ARB2A: variants seen among roughly 807,000 people sequenced by gnomAD.
ARB2A encodes cotranscriptional regulator ARB2A.
chr5:93,729,837 T>C, the ARB2A span, among the ~76,000 whole-genome samples: 1 of 152,148 alleles, frequency 6.6e-6, no homozygotes, highest in Non-Finnish European at 1.5e-5. Context: ...ACTGAATACA[T>C]GGAATCGTTG....
the ARB2A span, among the ~76,000 whole-genome samples, chr5:93,806,477 T>C: frequency 2.0e-5 from 3 of 151,942 alleles, no homozygotes; most frequent in Admixed American, 2.0e-4. Flanking sequence ...ACATGAATAG[T>C]AACTCTATTT....
the ARB2A span, among the ~76,000 whole-genome samples, chr5:94,069,039 AAGAT>A: frequency 0.03 from 4,170 of 140,358 alleles, 67 homozygotes; most frequent in East Asian, 0.053. Context: ...CTGTCTTAAA[AAGAT>A]AGATAGATAG....
chr5:93,852,346 G>A, the ARB2A span, among the ~76,000 whole-genome samples: 1 of 152,008 alleles, frequency 6.6e-6, no homozygotes, highest in Non-Finnish European at 1.5e-5. Flanking sequence ...TATAGATTCT[G>A]GATATTAGCC....
At chr5:93,961,672 GA>G in the ARB2A span, among the ~76,000 whole-genome samples, 1 of 151,780 alleles carries the variant, frequency 6.6e-6, no homozygotes, top group Non-Finnish European at 1.5e-5. Flanking sequence ...AACAGAGTGA[GA>G]CTCTGTCTCA....
the ARB2A span, among the ~76,000 whole-genome samples, chr5:94,053,833 C>A: frequency 6.6e-6 from 1 of 152,188 alleles, no homozygotes; most frequent in Non-Finnish European, 1.5e-5. Context: ...GTGGCACAAT[C>A]TTGGCTCACT....
chr5:93,678,421 G>A, the ARB2A span, among the ~76,000 whole-genome samples: 1 of 152,082 alleles, frequency 6.6e-6, no homozygotes. Context: ...TAATCAAGGT[G>A]GGCAGAAGAA....
At chr5:93,774,850 T>C in the ARB2A span, among the ~76,000 whole-genome samples, 1 of 152,226 alleles carries the variant, frequency 6.6e-6, no homozygotes, top group Non-Finnish European at 1.5e-5. Flanking sequence ...AGTTTACATA[T>C]TGATTGGCTG....
the ARB2A span, chr5:93,865,682 C>A: frequency 1.0e-6 from 1 of 985,284 alleles, no homozygotes. Flanking sequence ...AAAGATCTAC[C>A]TCTTCTTAAT....
the ARB2A span, among the ~76,000 whole-genome samples, chr5:93,840,571 C>G: frequency 5.7e-4 from 87 of 152,224 alleles, no homozygotes; most frequent in South Asian, 2.1e-4. Context: ...CCATATGTAT[C>G]CAATTTAACT....
chr5:93,916,318 A>C, the ARB2A span, among the ~76,000 whole-genome samples: 1 of 152,132 alleles, frequency 6.6e-6, no homozygotes, highest in South Asian at 2.1e-4. Flanking sequence ...TTACTATTTA[A>C]ATGCATTTTG....
chr5:93,868,801 T>G, the ARB2A span, among the ~76,000 whole-genome samples: 1 of 152,194 alleles, frequency 6.6e-6, no homozygotes, highest in African/African-American at 2.4e-5. Flanking sequence ...ACAATAGTCT[T>G]AGAATAAACT....
chr5:93,740,698 G>A, the ARB2A span: 1 of 1,613,750 alleles, frequency 6.2e-7, no homozygotes, highest in Admixed American at 1.7e-5. Flanking sequence ...AAAGCACACT[G>A]GTGCTCCTGG....
At chr5:93,669,010 T>C in the ARB2A span, among the ~76,000 whole-genome samples, 2 of 152,254 alleles carry the variant, frequency 1.3e-5, no homozygotes, top group Admixed American at 6.5e-5. Flanking sequence ...GTCTGAATGA[T>C]GACTTTGGAA....
the ARB2A span, among the ~76,000 whole-genome samples, chr5:93,916,998 A>G: frequency 2.6e-5 from 4 of 152,200 alleles, no homozygotes; most frequent in Non-Finnish European, 5.9e-5. Flanking sequence ...CATTTGTAAC[A>G]TGAATAAATA....
chr5:94,092,557 T>A, the ARB2A span, among the ~76,000 whole-genome samples: 1 of 152,224 alleles, frequency 6.6e-6, no homozygotes, highest in Non-Finnish European at 1.5e-5. Context: ...TACATTTTCT[T>A]GAAATCTTAT....
chr5:93,833,957 A>C, the ARB2A span, among the ~76,000 whole-genome samples: 3 of 152,176 alleles, frequency 2.0e-5, no homozygotes, highest in African/African-American at 7.2e-5. Context: ...GTAGTATTCA[A>C]CAGTTAGTAT....
chr5:93,749,436 T>C, the ARB2A span, among the ~76,000 whole-genome samples: 1 of 152,198 alleles, frequency 6.6e-6, no homozygotes, highest in African/African-American at 2.4e-5. Context: ...ATTGATGTTA[T>C]TCAACTAAAC....
At chr5:93,784,819 C>T in the ARB2A span, among the ~76,000 whole-genome samples, 1 of 152,240 alleles carries the variant, frequency 6.6e-6, no homozygotes, top group South Asian at 2.1e-4. Context: ...AAGTTTCTTC[C>T]ACCACTTCCT....
At chr5:94,004,325 G>T in the ARB2A span, among the ~76,000 whole-genome samples, 1 of 152,034 alleles carries the variant, frequency 6.6e-6, no homozygotes, top group African/African-American at 2.4e-5. Flanking sequence ...GACTGCATTA[G>T]AATTAAAAAC....
Sources: gnomAD v4.1 joint callset for allele counts (sites outside exome capture counted in the v4.1 genomes callset) on GRCh38, gnomAD v4.1.1 for gene constraint, MANE v1.5 for transcripts, NCBI Gene and HGNC (gene_info 2026-07-23, HGNC 2026-07-21) for gene names.